Variants in ARHGAP32 observed in about 807,000 individuals in gnomAD.
ARHGAP32 encodes rho GTPase-activating protein 32.
Under a neutral mutation model 186.5 loss-of-function variants are expected in ARHGAP32, and 51 were observed. The observed-to-expected ratio is 0.27, with a 90% confidence interval of 0.22 to 0.35. ARHGAP32 has a LOEUF of 0.35. Among genes scored for constraint, ARHGAP32 ranks in the 10% least tolerant of loss-of-function variants. ARHGAP32 has a pLI of 1.00. For missense variants in ARHGAP32, 2,186 were observed against 2,623.5 expected, an observed-to-expected ratio of 0.83 and a Z score of 3.64; for synonymous variants, 950 against 964.3, an observed-to-expected ratio of 0.99 and a Z score of 0.27.
intron 1 of ARHGAP32, among the ~76,000 whole-genome samples, chr11:129,179,276 T>A (rs916318630): frequency 3.3e-5 from 5 of 152,140 alleles, no homozygotes; most frequent in African/African-American, 1.2e-4. Flanking sequence ...ATGGCAATCA[T>A]TAAAAAGTCA....
At chr11:129,211,073 C>T (rs746315268) in intron 1 of ARHGAP32, among the ~76,000 whole-genome samples, 34 of 152,152 alleles carry the variant, frequency 2.2e-4, no homozygotes, top group Admixed American at 7.2e-4. Context: ...GTCTATCAGC[C>T]TCAAACCTTC....
In ARHGAP32 at chr11:128,969,894, G is replaced by A. The variant is rs1293388132; in HGVS notation, c.5319C>T (p.Ser1773=). 6.2e-7 allele frequency: 1 copy of A among 1,614,088 alleles called. No individual in the cohort carries two copies. Among genetic ancestry groups the A allele is most frequent in the Non-Finnish European group, 8.5e-7 (1 of 1,180,044 alleles). ...GCCCTTTCACCTTCTGCCGAGCACGGCTCTCTCTCCGGATGGACTGCATGC... is the reference window on the plus strand; with the variant it reads ...GCCCTTTCACCTTCTGCCGAGCACGACTCTCTCTCCGGATGGACTGCATGC... ...KYRMQSIRRE[S]RARQKVKGPV... The change falls in exon 23 of 23, where the codon AGC becomes AGT. Residue 1773 remains serine, a synonymous_variant. Transcript: ENST00000682385. The surrounding 1 kb of genome is among the most constrained non-coding windows in gnomAD (Gnocchi z 4.8).
intron 1 of ARHGAP32, among the ~76,000 whole-genome samples, chr11:129,176,797 G>A (rs931897620): frequency 6.6e-6 from 1 of 151,436 alleles, no homozygotes; most frequent in Non-Finnish European, 1.5e-5. Context: ...GTGTGTAGAG[G>A]GAAATTTATA....
chr11:129,184,834 C>T (rs1342307969), intron 1 of ARHGAP32, among the ~76,000 whole-genome samples: 1 of 152,136 alleles, frequency 6.6e-6, no homozygotes, highest in African/African-American at 2.4e-5. Context: ...AACAGATTGG[C>T]ATTTGAGCTT....
chr11:129,180,125 T>C (rs1174398991), intron 1 of ARHGAP32, among the ~76,000 whole-genome samples: 2 of 152,112 alleles, frequency 1.3e-5, no homozygotes, highest in African/African-American at 4.8e-5. Context: ...CAATTATTTA[T>C]TAAGAGAAAA....
At chr11:129,186,358 C>T (rs1191537273) in intron 1 of ARHGAP32, among the ~76,000 whole-genome samples, 4 of 152,170 alleles carry the variant, frequency 2.6e-5, no homozygotes, top group Non-Finnish European at 5.9e-5. Context: ...CTTGTACTGG[C>T]ATGCCTCACG....
intron 1 of ARHGAP32, among the ~76,000 whole-genome samples, chr11:129,216,278 C>G (rs1451199887): frequency 6.6e-6 from 1 of 152,116 alleles, no homozygotes; most frequent in Non-Finnish European, 1.5e-5. Flanking sequence ...TTCAGACTAC[C>G]AGTCTTTATT....
intron 10 of ARHGAP32, among the ~76,000 whole-genome samples, chr11:129,057,186 A>G (rs1485823589): frequency 2.0e-5 from 3 of 152,260 alleles, no homozygotes; most frequent in East Asian, 3.9e-4. Context: ...CAGAAGACAT[A>G]TGCAACACTG....
intron 10 of ARHGAP32, among the ~76,000 whole-genome samples, chr11:129,055,955 A>G (rs191257163): frequency 6.6e-6 from 1 of 152,364 alleles, no homozygotes; most frequent in African/African-American, 2.4e-5. Flanking sequence ...TTCATTAATT[A>G]TAACAAAAAG....
chr11:128,999,162 G>T (rs1277858562), intron 11 of ARHGAP32, among the ~76,000 whole-genome samples: 2 of 152,132 alleles, frequency 1.3e-5, no homozygotes, highest in Admixed American at 1.3e-4. Context: ...CTTTTTCTCA[G>T]CAAGGAACAG....
chr11:129,000,708 G>A (rs768957628), intron 11 of ARHGAP32, among the ~76,000 whole-genome samples: 5 of 151,888 alleles, frequency 3.3e-5, no homozygotes, highest in Admixed American at 6.6e-5. Context: ...CAAATGCTAG[G>A]TCTTACTCAT....
At chr11:129,256,865 T>C (rs35364196) in intron 1 of ARHGAP32, among the ~76,000 whole-genome samples, 9 of 152,178 alleles carry the variant, frequency 5.9e-5, no homozygotes, top group Non-Finnish European at 1.0e-4. Context: ...GGTTTGGCAG[T>C]TCAAGAACAT....
chr11:129,180,091 T>G (rs1944020544), intron 1 of ARHGAP32, among the ~76,000 whole-genome samples: 1 of 152,124 alleles, frequency 6.6e-6, no homozygotes, highest in Admixed American at 6.6e-5. Context: ...AAAAAAATCG[T>G]GTATTTACAT....
chr11:129,193,348 T>C (rs1283768912), upstream of ARHGAP32, among the ~76,000 whole-genome samples: 1 of 97,912 alleles, frequency 1.0e-5, no homozygotes, highest in Non-Finnish European at 1.9e-5. Context: ...CCAAGTGTGG[T>C]GGTGCACCCT....
intron 5 of ARHGAP32, among the ~76,000 whole-genome samples, chr11:129,111,634 C>A (rs1197620335): frequency 4.6e-5 from 7 of 152,186 alleles, no homozygotes; most frequent in African/African-American, 1.4e-4. Context: ...GTAGGCTGCA[C>A]GTGCCCAGAA....
intron 5 of ARHGAP32, among the ~76,000 whole-genome samples, chr11:129,114,962 C>T (rs1202442854): frequency 6.6e-6 from 1 of 152,056 alleles, no homozygotes; most frequent in Admixed American, 6.6e-5. Context: ...AAATATACCA[C>T]CCACCCACAG....
chr11:129,094,539 C>T (rs1427753585), intron 5 of ARHGAP32, among the ~76,000 whole-genome samples: 1 of 152,222 alleles, frequency 6.6e-6, no homozygotes, highest in Non-Finnish European at 1.5e-5. Context: ...ATTGGACCTA[C>T]ATTCTCACAC....
chr11:129,040,442 C>A (rs539958756), intron 11 of ARHGAP32, among the ~76,000 whole-genome samples: 1 of 152,122 alleles, frequency 6.6e-6, no homozygotes, highest in East Asian at 1.9e-4. Flanking sequence ...TGATTTTTAT[C>A]CCCTTCAACA....
intron 11 of ARHGAP32, among the ~76,000 whole-genome samples, chr11:129,000,716 C>G (rs867438625): frequency 6.6e-6 from 1 of 152,038 alleles, no homozygotes; most frequent in South Asian, 2.1e-4. Context: ...AGGTCTTACT[C>G]ATTCTTTCTA....
Sources: gnomAD v4.1 joint callset for allele counts (sites outside exome capture counted in the v4.1 genomes callset) on GRCh38, gnomAD v4.1.1 for gene constraint, Gnocchi (gnomAD v3.1) non-coding constraint, MANE v1.5 for transcripts, NCBI Gene and HGNC (gene_info 2026-07-23, HGNC 2026-07-21) for gene names.